Variants in DCN observed in about 807,000 individuals in gnomAD.
The protein encoded by DCN is bone proteoglycan II.
A neutral mutation model predicts 36.5 loss-of-function variants in DCN; 17 were observed. The ratio of observed to expected loss-of-function variants is 0.47; its 90% CI spans 0.32 to 0.70. DCN has a LOEUF of 0.70. DCN is among the 30% of genes least tolerant of loss of function. The pLI, the probability that DCN is intolerant of heterozygous loss-of-function variation, is 0.04. For synonymous variants in DCN, 163 were observed against 161.4 expected (o/e 1.01, Z -0.07); for missense variants, 389 against 430.1 (o/e 0.90, Z 0.84).
chr12:91,162,841 A>G (rs1362019110), intron 3 of DCN, among the ~76,000 whole-genome samples: 1 of 152,222 alleles, frequency 6.6e-6, no homozygotes, highest in Non-Finnish European at 1.5e-5. Context: ...TTTCTTCAAC[A>G]TGGCCCTTCA....
At chr12:91,175,484 T>G (rs1460618685) in intron 2 of DCN, 1 of 152,130 alleles carries the variant, frequency 6.6e-6, no homozygotes, top group Non-Finnish European at 1.5e-5. Flanking sequence ...CTTCTTAGCT[T>G]TGAAAGAATT....
At chr12:91,149,120 A>G (rs1328574794) in intron 7 of DCN, among the ~76,000 whole-genome samples, 1 of 151,824 alleles carries the variant, frequency 6.6e-6, no homozygotes, top group Non-Finnish European at 1.5e-5. Context: ...CTAAGACCAA[A>G]GCCAGACAAA....
intron 3 of DCN, among the ~76,000 whole-genome samples, chr12:91,160,912 T>C (rs538391252): frequency 6.6e-6 from 1 of 152,304 alleles, no homozygotes; most frequent in South Asian, 2.1e-4. Context: ...TACTCTTATG[T>C]AACACACACC....
At chr12:91,173,662 G>T (rs1883115768) in intron 2 of DCN, among the ~76,000 whole-genome samples, 2 of 152,150 alleles carry the variant, frequency 1.3e-5, no homozygotes. Flanking sequence ...TCACACCCCT[G>T]CTGCTGCAGA....
chr12:91,177,092 T>C (rs1471941677), intron 2 of DCN: 1 of 156,246 alleles, frequency 6.4e-6, no homozygotes, highest in Non-Finnish European at 1.4e-5. Context: ...GCAGAGCTCA[T>C]CCATGATGGG....
intron 2 of DCN, chr12:91,175,658 A>G (rs1291934408): frequency 6.6e-6 from 1 of 152,102 alleles, no homozygotes; most frequent in Non-Finnish European, 1.5e-5. Flanking sequence ...TCTGCTCATT[A>G]AGTGTCTGCC....
intron 7 of DCN, among the ~76,000 whole-genome samples, chr12:91,148,083 T>C (rs1881145552): frequency 6.6e-6 from 1 of 151,764 alleles, no homozygotes; most frequent in Admixed American, 6.6e-5. Flanking sequence ...CTTTTTTTTT[T>C]TTTTTTCTGA....
chr12:91,148,721 C>CAA (rs5799978), intron 7 of DCN, among the ~76,000 whole-genome samples: 5,240 of 49,302 alleles, frequency 0.11, 555 homozygotes, highest in East Asian at 0.28. Context: ...CGCTCCGACT[C>CAA]AAAAAAAAAA....
intron 3 of DCN, among the ~76,000 whole-genome samples, chr12:91,162,624 G>A (rs558191064): frequency 1.3e-5 from 2 of 152,300 alleles, no homozygotes; most frequent in Admixed American, 6.5e-5. Flanking sequence ...CATTAAGAAT[G>A]TATTCCTATG....
chr12:91,162,906 C>T (rs1882250970), intron 3 of DCN, among the ~76,000 whole-genome samples: 1 of 152,144 alleles, frequency 6.6e-6, no homozygotes, highest in African/African-American at 2.4e-5. Context: ...TCTCCATCCA[C>T]GGTGCCTATG....
rs962625629 is a variant in DCN, at chr12:91,178,423, G to A, written c.130C>T (p.Arg44Cys). ...SGIGPEVPDDRDFEPSLGPVC... is the reference protein window; with the variant it reads ...SGIGPEVPDDCDFEPSLGPVC... ...GGGCCTAGGGAGGGCTCGAAGTCGC[G>A]GTCATCAGGAACTTCTGGGCCTATC... Residue 44 changes from arginine to cysteine, a missense_variant, in exon 2 of 8, where the codon CGC (arginine) becomes TGC (cysteine). Physicochemically the swap from Arg to Cys is radical, Grantham distance 180. Coordinates refer to ENST00000052754, the MANE Select transcript of DCN (RefSeq NM_001920.5). The A allele has an allele frequency of 2.5e-6, 4 of 1,613,786 alleles. No individual in the cohort carries two copies. The highest frequency in any genetic ancestry group is 1.3e-5 in the African/African-American group (1 of 74,928).
intron 1 of DCN, among the ~76,000 whole-genome samples, chr12:91,181,959 T>C (rs998403370): frequency 6.6e-6 from 1 of 151,798 alleles, no homozygotes; most frequent in African/African-American, 2.4e-5. Flanking sequence ...CAGTGGTCAC[T>C]GTGTTACCCT....
intron 5 of DCN, among the ~76,000 whole-genome samples, chr12:91,155,433 G>T (rs1214186890): frequency 6.6e-6 from 1 of 152,006 alleles, no homozygotes; most frequent in Non-Finnish European, 1.5e-5. Context: ...AAATGATGAG[G>T]AAAGAATACC....
At chr12:91,150,491 C>A (rs1021938194) in intron 7 of DCN, among the ~76,000 whole-genome samples, 1 of 152,012 alleles carries the variant, frequency 6.6e-6, no homozygotes, top group African/African-American at 2.4e-5. Flanking sequence ...GTCTATGAAA[C>A]AAACAAAAAT....
chr12:91,159,968 G>A (rs1008656585), intron 3 of DCN, among the ~76,000 whole-genome samples: 1 of 152,056 alleles, frequency 6.6e-6, no homozygotes, highest in East Asian at 1.9e-4. Context: ...ATGCAAGAAT[G>A]TTTTCTAAAG....
chr12:91,165,112 T>C (rs964781400), intron 2 of DCN, among the ~76,000 whole-genome samples: 3 of 152,228 alleles, frequency 2.0e-5, no homozygotes, highest in African/African-American at 7.2e-5. Context: ...ATAAATACCG[T>C]GTCAATAATT....
At chr12:91,170,039 G>T (rs867685634) in intron 2 of DCN, 1 of 151,008 alleles carries the variant, frequency 6.6e-6, no homozygotes, top group Non-Finnish European at 1.5e-5. Context: ...ACTCCAGCCT[G>T]GGTGACAGAG....
Position 91,171,146 on chromosome 12 carries a change from G to A in DCN, c.212-6429C>T, listed in dbSNP as rs753903691. On this transcript the variant is annotated intron_variant, in intron 2 of 7. Coordinates refer to ENST00000052754, the MANE Select transcript of DCN (RefSeq NM_001920.5). ...AATGAAAACAAAGTCATTAAGGTAC[G>A]ACTTAATACTTTTCTCACAATCTTA... Among the ~76,000 whole-genome samples, 86 of 152,126 alleles carry A rather than the reference G, an allele frequency of 5.7e-4. 1 individual carries two copies. Among genetic ancestry groups the A allele is most frequent in the African/African-American group, 1.1e-3 (44 of 41,520 alleles).
intron 2 of DCN, chr12:91,177,295 G>A (rs1165641807): frequency 1.4e-5 from 6 of 439,176 alleles, no homozygotes; most frequent in South Asian, 3.9e-5. Flanking sequence ...GGTTCCTATA[G>A]GCAGTTTATT....
Sources: allele counts gnomAD v4.1 joint callset (sites outside exome capture counted in the v4.1 genomes callset), GRCh38; gene constraint gnomAD v4.1.1; transcripts MANE v1.5; gene names NCBI Gene and HGNC (gene_info 2026-07-23, HGNC 2026-07-21).